Variants in TMEM132D observed in about 807,000 individuals in gnomAD.
TMEM132D encodes the protein mature OL transmembrane protein.
TMEM132D carries 21 observed loss-of-function variants against 62.3 expected under a neutral mutation model. The ratio of observed to expected loss-of-function variants is 0.34; its 90% CI spans 0.24 to 0.49. TMEM132D has a LOEUF of 0.49. Ranked by LOEUF, TMEM132D falls within the 20% of genes least tolerant of loss-of-function variation. The pLI is 0.99. For synonymous variants in TMEM132D, 621 were observed against 575.6 expected (o/e 1.08, Z -1.13); for missense variants, 1,346 against 1,402.8 (o/e 0.96, Z 0.65).
At chr12:129,486,517 C>A (rs945541350) in intron 3 of TMEM132D, among the ~76,000 whole-genome samples, 4 of 152,042 alleles carry the variant, frequency 2.6e-5, no homozygotes, top group Non-Finnish European at 5.9e-5. Context: ...AGTCTCTGAG[C>A]CCTAAAGTCC....
chr12:129,806,542 G>C (rs1014411972), intron 1 of TMEM132D, among the ~76,000 whole-genome samples: 1 of 120,116 alleles, frequency 8.3e-6, no homozygotes, highest in African/African-American at 3.2e-5. Flanking sequence ...GGGGACTGTT[G>C]TGGGGTGGGG....
At chr12:129,319,648 G>C (rs1014812905) in intron 4 of TMEM132D, among the ~76,000 whole-genome samples, 3 of 152,236 alleles carry the variant, frequency 2.0e-5, no homozygotes, top group Non-Finnish European at 4.4e-5. Context: ...GAGCAGTCCA[G>C]TGTTTGTGGG....
intron 2 of TMEM132D, among the ~76,000 whole-genome samples, chr12:129,562,367 G>T (rs775419610): frequency 1.2e-4 from 18 of 152,250 alleles, no homozygotes; most frequent in South Asian, 2.1e-4. Context: ...CAGCTCGAAC[G>T]CCATTCCCTA....
At chr12:129,646,789 A>C (rs552535510) in intron 2 of TMEM132D, among the ~76,000 whole-genome samples, 2 of 141,560 alleles carry the variant, frequency 1.4e-5, no homozygotes, top group Non-Finnish European at 3.0e-5. Context: ...ACACACATAT[A>C]AATAACATGC....
At chr12:129,475,388 C>T (rs1429226936) in intron 3 of TMEM132D, among the ~76,000 whole-genome samples, 1 of 152,108 alleles carries the variant, frequency 6.6e-6, no homozygotes, top group Non-Finnish European at 1.5e-5. Flanking sequence ...CTTCATGTAG[C>T]AGAATCTATA....
At chr12:129,681,605 AAAGT>A in intron 2 of TMEM132D, 1 of 152,324 alleles carries the variant, frequency 6.6e-6, no homozygotes, top group South Asian at 2.1e-4. Flanking sequence ...ATGCTGGGAA[AAAGT>A]CAAAGCTTCC....
At chr12:129,533,970 A>C (rs1876306416) in intron 2 of TMEM132D, among the ~76,000 whole-genome samples, 1 of 152,228 alleles carries the variant, frequency 6.6e-6, no homozygotes. Flanking sequence ...CACGGTATTT[A>C]CTGAACACGG....
At chr12:129,257,455 C>CTT in intron 4 of TMEM132D, among the ~76,000 whole-genome samples, 1 of 152,008 alleles carries the variant, frequency 6.6e-6, no homozygotes, top group Non-Finnish European at 1.5e-5. Context: ...GTGATCTGCC[C>CTT]GCCTCGGCCT....
chr12:129,180,830 C>T (rs1198209996), intron 5 of TMEM132D, among the ~76,000 whole-genome samples: 2 of 151,994 alleles, frequency 1.3e-5, no homozygotes, highest in African/African-American at 4.8e-5. Flanking sequence ...GCATGGTAAG[C>T]AAGGGGAACG....
chr12:129,712,899 G>A lies in TMEM132D; in HGVS notation c.80-12201C>T, dbSNP rs540759674. 2.0e-5 allele frequency among the ~76,000 whole-genome samples: 3 copies of A among 152,262 alleles called. No homozygotes were observed. The South Asian group carries it at 6.2e-4, about 32-fold the overall frequency. The stretch of plus-strand genomic sequence containing the variant: ...GGAGGCTTATGTTGAGAAAAGAAGA[G>A]TGATAAGACAGAAAGGGGCTGCCAA... On this transcript the variant is annotated intron_variant, in intron 1 of 8. Transcript: ENST00000422113.
chr12:129,103,585 T>A (rs937323918), intron 5 of TMEM132D, among the ~76,000 whole-genome samples: 3 of 152,166 alleles, frequency 2.0e-5, no homozygotes, highest in African/African-American at 7.2e-5. Context: ...GGTTCCAGAG[T>A]GTCACCCAGG....
chr12:129,464,136 C>A (rs10847883), intron 3 of TMEM132D, among the ~76,000 whole-genome samples: 1 of 148,320 alleles, frequency 6.7e-6, no homozygotes, highest in East Asian at 2.0e-4. Context: ...TCCAGCACCT[C>A]TTGTTTCCTG....
intron 4 of TMEM132D, among the ~76,000 whole-genome samples, chr12:129,280,495 G>T (rs1178774109): frequency 2.0e-5 from 3 of 152,140 alleles, no homozygotes; most frequent in African/African-American, 4.8e-5. Context: ...AAAATCAGAT[G>T]ATTGTTTCCT....
intron 3 of TMEM132D, among the ~76,000 whole-genome samples, chr12:129,526,599 C>T (rs1876049217): frequency 6.6e-6 from 1 of 152,164 alleles, no homozygotes; most frequent in African/African-American, 2.4e-5. Flanking sequence ...TTCTTTAGAA[C>T]AGAACACTGA....
chr12:129,766,621 C>T (rs1240808798), intron 1 of TMEM132D, among the ~76,000 whole-genome samples: 1 of 152,162 alleles, frequency 6.6e-6, no homozygotes, highest in East Asian at 1.9e-4. Flanking sequence ...TGTATCAACA[C>T]AGGGAGATAA....
intron 7 of TMEM132D, among the ~76,000 whole-genome samples, chr12:129,079,719 A>G (rs1351071920): frequency 6.6e-6 from 1 of 152,192 alleles, no homozygotes; most frequent in Non-Finnish European, 1.5e-5. Flanking sequence ...TTCTACCCGA[A>G]TGCCACCTTC....
chr12:129,619,913 C>T (rs1447137978), intron 2 of TMEM132D, among the ~76,000 whole-genome samples: 2 of 152,112 alleles, frequency 1.3e-5, no homozygotes, highest in Non-Finnish European at 2.9e-5. Flanking sequence ...ATATGAAAAC[C>T]AGAGCTTGTC....
chr12:129,903,583 C>G lies in TMEM132D; in HGVS notation c.-244G>C, dbSNP rs768802403. ...ACACGCGCGCAGGCAAACCCCACCT[C>G]CCTCCTTCGACCCCAACAGAATTTT... On this transcript the variant is annotated 5_prime_UTR_variant, in exon 1 of 9. Transcript: ENST00000422113. This position sits in a 1 kb window ranked among gnomAD's most constrained non-coding sequence, Gnocchi z 6.2. 54 of 549,814 alleles carry G rather than the reference C, an allele frequency of 9.8e-5. 1 individual carries two copies. The highest frequency in any genetic ancestry group is 4.8e-4 in the Middle Eastern group (1 of 2,088). The allele number at this position is 549,814 out of a possible 1,614,324, so 34.1% of individuals were successfully genotyped here. A position where few individuals can be genotyped will look rare whatever the true frequency, so the allele number is the denominator to read the frequency against.
chr12:129,613,380 T>C (rs1878828489), intron 2 of TMEM132D, among the ~76,000 whole-genome samples: 1 of 152,196 alleles, frequency 6.6e-6, no homozygotes, highest in Non-Finnish European at 1.5e-5. Flanking sequence ...CTGGATCTGC[T>C]CCATCCTCAT....
Sources: gnomAD v4.1 joint callset for allele counts (sites outside exome capture counted in the v4.1 genomes callset) on GRCh38, gnomAD v4.1.1 for gene constraint, Gnocchi (gnomAD v3.1) non-coding constraint, MANE v1.5 for transcripts, NCBI Gene and HGNC (gene_info 2026-07-23, HGNC 2026-07-21) for gene names.